The following HS6ST2 variants were observed in gnomAD, a reference collection of about 807,000 sequenced individuals.
HS6ST2 encodes heparan-sulfate 6-O-sulfotransferase 2.
In HS6ST2, 17 loss-of-function variants were observed where a neutral mutation model predicts 33.0. That is an observed-to-expected ratio of 0.52 (90% CI 0.35 to 0.77). HS6ST2 has a LOEUF of 0.77. Among genes scored for constraint, HS6ST2 ranks in the 30% least tolerant of loss-of-function variants. The probability of loss-of-function intolerance (pLI) is 0.01; values close to 1 mark genes in which losing one functional copy is unlikely to be tolerated. For missense variants in HS6ST2, 519 were observed against 551.7 expected, an observed-to-expected ratio of 0.94 and a Z score of 0.59; for synonymous variants, 248 against 237.1, an observed-to-expected ratio of 1.05 and a Z score of -0.42.
chrX:132,649,507 G>A (rs980441158), intron 4 of HS6ST2, among the ~76,000 whole-genome samples: 1 of 112,126 alleles, frequency 8.9e-6, no homozygotes, highest in African/African-American at 3.2e-5. Flanking sequence ...ATTGTGGAAT[G>A]TATACCATGT....
At chrX:132,826,206 A>T (rs2065517701) in intron 2 of HS6ST2, among the ~76,000 whole-genome samples, 1 of 112,617 alleles carries the variant, frequency 8.9e-6, no homozygotes, top group African/African-American at 3.2e-5. Context: ...AGCACAGAGC[A>T]TGGGACCAAT....
At chrX:132,634,359 C>T (rs999664864) in intron 4 of HS6ST2, among the ~76,000 whole-genome samples, 1 of 112,089 alleles carries the variant, frequency 8.9e-6, no homozygotes, top group Non-Finnish European at 1.9e-5. Context: ...GAAAATCATA[C>T]GCCACCTGTT....
At chrX:132,859,784 GAAAC>G (rs746323694) in intron 2 of HS6ST2, among the ~76,000 whole-genome samples, 2 of 92,960 alleles carry the variant, frequency 2.2e-5, no homozygotes, top group Non-Finnish European at 4.3e-5. Context: ...GAGGGAGAGA[GAAAC>G]AAAGGAAGGA....
upstream of HS6ST2, chrX:132,958,687 C>T: frequency 1.1e-6 from 1 of 905,021 alleles, no homozygotes. Flanking sequence ...AGAGCTCGAG[C>T]CACTTCACAA....
chrX:132,722,270 T>A (rs750011633), intron 2 of HS6ST2, among the ~76,000 whole-genome samples: 1 of 103,146 alleles, frequency 9.7e-6, no homozygotes, highest in African/African-American at 3.6e-5. Context: ...ATAACGAAGA[T>A]CAGAGCAGAA....
At chrX:132,693,255 G>T (rs1440779625) in intron 3 of HS6ST2, among the ~76,000 whole-genome samples, 1 of 112,157 alleles carries the variant, frequency 8.9e-6, no homozygotes, top group Non-Finnish European at 1.9e-5. Flanking sequence ...ACATTTGCAG[G>T]CAGAGCTGGT....
chrX:132,945,196 A>T lies in HS6ST2; in HGVS notation c.947+11612T>A, dbSNP rs1224052621. On this transcript the variant is annotated intron_variant, in intron 2 of 4. Coordinates refer to ENST00000370833, the MANE Select transcript of HS6ST2 (RefSeq NM_001394073.1). ...AAACCCATCAACAAGTGGGCAAAGG[A>T]TATGAACAGGCACTTCTTAAAAGAA... is the stretch of plus-strand genomic sequence containing the variant. Among the ~76,000 whole-genome samples the T allele has an allele frequency of 2.7e-5, 3 of 112,358 alleles. No individual in the cohort carries two copies. The East Asian group carries it at 8.4e-4, about 31-fold the overall frequency.
intron 4 of HS6ST2, among the ~76,000 whole-genome samples, chrX:132,652,207 C>A (rs1219895096): frequency 9.0e-6 from 1 of 111,652 alleles, no homozygotes; most frequent in Non-Finnish European, 1.9e-5. Flanking sequence ...AGTTCTCCAG[C>A]TCTAATGATT....
chrX:132,726,098 A>G (rs2064389231), intron 2 of HS6ST2, among the ~76,000 whole-genome samples: 1 of 111,363 alleles, frequency 9.0e-6, no homozygotes, highest in African/African-American at 3.3e-5. Context: ...AGTATTTGAT[A>G]TCTCAACAAC....
chrX:132,751,503 G>T (rs2064707413), intron 2 of HS6ST2, among the ~76,000 whole-genome samples: 1 of 112,060 alleles, frequency 8.9e-6, no homozygotes, highest in Non-Finnish European at 1.9e-5. Context: ...CCAGACAGGG[G>T]TCATCACACA....
chrX:132,811,685 AATATATATATATATATATATATATATAT>A (rs56390608), intron 2 of HS6ST2, among the ~76,000 whole-genome samples: 2 of 29,814 alleles, frequency 6.7e-5, no homozygotes, highest in East Asian at 1.5e-3. Context: ...AAGGCTGAAT[AATATATATATATATATATATATATATAT>A]ATATATATAT....
At chrX:132,717,989 G>A (rs2064292409) in intron 2 of HS6ST2, among the ~76,000 whole-genome samples, 1 of 111,674 alleles carries the variant, frequency 9.0e-6, no homozygotes, top group Non-Finnish European at 1.9e-5. Flanking sequence ...TATAAAATAT[G>A]GACCAAGTTT....
intron 2 of HS6ST2, among the ~76,000 whole-genome samples, chrX:132,785,390 A>C (rs2065052256): frequency 9.0e-6 from 1 of 111,514 alleles, no homozygotes; most frequent in Non-Finnish European, 1.9e-5. Context: ...TTGCTTTGAA[A>C]TGATGAAACA....
intron 2 of HS6ST2, among the ~76,000 whole-genome samples, chrX:132,869,716 T>G (rs1325615964): frequency 9.0e-6 from 1 of 111,596 alleles, no homozygotes; most frequent in Non-Finnish European, 1.9e-5. Context: ...AAATTCAACA[T>G]GCCTTCATGC....
chrX:132,749,285 T>C (rs759161755), intron 2 of HS6ST2, among the ~76,000 whole-genome samples: 1 of 112,735 alleles, frequency 8.9e-6, no homozygotes, highest in South Asian at 3.6e-4. Flanking sequence ...TCATCTAATA[T>C]TGGAACAATT....
At chrX:132,665,639 C>G (rs2063803414) in intron 4 of HS6ST2, among the ~76,000 whole-genome samples, 1 of 111,510 alleles carries the variant, frequency 9.0e-6, no homozygotes, top group Admixed American at 9.5e-5. Flanking sequence ...GTTCACATTA[C>G]CAAAGGGAAC....
In HS6ST2 at chrX:132,958,296, G is replaced by C; in HGVS notation, c.307C>G (p.Arg103Gly). 2.5e-6 allele frequency: 3 copies of C among 1,194,028 alleles called. No individual in the cohort carries two copies. Among genetic ancestry groups the C allele is most frequent in the Non-Finnish European group, 3.4e-6 (3 of 891,889 alleles). The change falls in exon 1 of 5, where the codon CGA becomes GGA. Residue 103 changes from arginine (R) to glycine (G), a missense_variant. Arg to Gly is a moderately radical substitution (Grantham distance 125). Transcript: ENST00000370833. ...CAGAGGGAGCCCAGGTCCCAGCGTC[G>C]CCTGAGGACGTGCATCCGCCTGCGG... ...GRRRRMHVLR[R>G]RWDLGSLCRA... is the part of the protein sequence containing the mutation.
At chrX:132,896,686 C>A (rs904860597) in intron 2 of HS6ST2, among the ~76,000 whole-genome samples, 14 of 111,091 alleles carry the variant, frequency 1.3e-4, no homozygotes, top group African/African-American at 4.6e-4. Flanking sequence ...ATCTCACATA[C>A]CCCATAAATA....
At chrX:132,763,142 C>A (rs1378635254) in intron 2 of HS6ST2, among the ~76,000 whole-genome samples, 1 of 111,790 alleles carries the variant, frequency 8.9e-6, no homozygotes, top group African/African-American at 3.3e-5. Context: ...TAACTGAGCA[C>A]CTCAGGATGA....
Sources: gnomAD v4.1 joint callset for allele counts (sites outside exome capture counted in the v4.1 genomes callset) on GRCh38, gnomAD v4.1.1 for gene constraint, MANE v1.5 for transcripts, NCBI Gene and HGNC (gene_info 2026-07-23, HGNC 2026-07-21) for gene names.